The following LIN7A variants were observed in gnomAD, a reference collection of about 807,000 sequenced individuals.
LIN7A encodes lin-7 cell polarity scaffold A, also known as protein lin-7 homolog A.
Under a neutral mutation model 29.8 loss-of-function variants are expected in LIN7A, and 25 were observed. The observed-to-expected ratio is 0.84, with a 90% CI of 0.61 to 1.17. The LOEUF is 1.17. Ranked by LOEUF, LIN7A falls within the 50% of genes most tolerant of loss-of-function variation. The pLI, the probability that LIN7A is intolerant of heterozygous loss-of-function variation, is 0.00. For synonymous variants in LIN7A, 118 were observed against 107.5 expected (o/e 1.10, Z -0.60); for missense variants, 239 against 287.0 (o/e 0.83, Z 1.21).
intron 5 of LIN7A, among the ~76,000 whole-genome samples, chr12:80,808,310 G>A (rs544502972): frequency 2.6e-5 from 4 of 152,066 alleles, no homozygotes; most frequent in Non-Finnish European, 5.9e-5. Flanking sequence ...TTTTTACTCT[G>A]CAAAGTACTG....
At chr12:80,835,104 T>C (rs1006204046) in intron 4 of LIN7A, among the ~76,000 whole-genome samples, 1 of 152,208 alleles carries the variant, frequency 6.6e-6, no homozygotes, top group Non-Finnish European at 1.5e-5. Context: ...TCTATTCATT[T>C]GAGATAAACC....
At chr12:80,886,920 A>G (rs76538616) in intron 2 of LIN7A, among the ~76,000 whole-genome samples, 2,452 of 152,176 alleles carry the variant, frequency 0.016, 68 homozygotes, top group African/African-American at 0.056. Context: ...GATATCCATA[A>G]CACATTTACA....
chr12:80,901,928 G>T (rs1408067612), intron 1 of LIN7A, among the ~76,000 whole-genome samples: 1 of 152,072 alleles, frequency 6.6e-6, no homozygotes, highest in Non-Finnish European at 1.5e-5. Flanking sequence ...GCAAAGTAAA[G>T]CTTGATGTTT....
chr12:80,913,095 G>A (rs1324515117), intron 1 of LIN7A, among the ~76,000 whole-genome samples: 1 of 152,134 alleles, frequency 6.6e-6, no homozygotes, highest in African/African-American at 2.4e-5. Context: ...GGGGAAAGCT[G>A]GCTGACTTAA....
intron 1 of LIN7A, among the ~76,000 whole-genome samples, chr12:80,894,690 C>G (rs1459105105): frequency 2.6e-5 from 4 of 152,126 alleles, no homozygotes; most frequent in Non-Finnish European, 4.4e-5. Context: ...GTACTCATCT[C>G]AGATGATTCT....
intron 2 of LIN7A, among the ~76,000 whole-genome samples, chr12:80,879,462 C>G (rs1874904923): frequency 6.6e-6 from 1 of 151,866 alleles, no homozygotes; most frequent in South Asian, 2.1e-4. Context: ...TTGATGACCT[C>G]TTTCTAAATA....
intron 4 of LIN7A, among the ~76,000 whole-genome samples, chr12:80,838,835 A>T (rs1343920368): frequency 6.6e-6 from 1 of 152,202 alleles, no homozygotes; most frequent in African/African-American, 2.4e-5. Flanking sequence ...TCATGCAAGC[A>T]TCTGCTCCCC....
At chr12:80,817,194 G>A (rs1871576711) in intron 4 of LIN7A, among the ~76,000 whole-genome samples, 1 of 152,166 alleles carries the variant, frequency 6.6e-6, no homozygotes, top group South Asian at 2.1e-4. Flanking sequence ...TCAACTTCCT[G>A]GTTGATTAAG....
At chr12:80,881,559 TAC>T (rs1875036192) in intron 2 of LIN7A, among the ~76,000 whole-genome samples, 1 of 151,896 alleles carries the variant, frequency 6.6e-6, no homozygotes, top group Non-Finnish European at 1.5e-5. Context: ...AAACATTAAA[TAC>T]ATTAAAAAAA....
chr12:80,837,167 G>C (rs981480429), intron 4 of LIN7A, among the ~76,000 whole-genome samples: 1 of 152,024 alleles, frequency 6.6e-6, no homozygotes, highest in Admixed American at 6.5e-5. Context: ...TGGACAACTG[G>C]TTCCATTCCA....
intron 4 of LIN7A, among the ~76,000 whole-genome samples, chr12:80,817,130 T>A (rs1871573842): frequency 6.6e-6 from 1 of 152,220 alleles, no homozygotes; most frequent in East Asian, 1.9e-4. Context: ...TTGTATACAC[T>A]GTGAGATATT....
intron 5 of LIN7A, among the ~76,000 whole-genome samples, chr12:80,801,973 T>C (rs1304046714): frequency 1.3e-5 from 2 of 151,486 alleles, no homozygotes; most frequent in Non-Finnish European, 2.9e-5. Context: ...CTCGGCTCAC[T>C]GCAACCTCCA....
intron 4 of LIN7A, among the ~76,000 whole-genome samples, chr12:80,831,970 AT>A (rs560799182): frequency 6.6e-6 from 1 of 152,238 alleles, no homozygotes; most frequent in Non-Finnish European, 1.5e-5. Context: ...GGCCAGTCTC[AT>A]TTCAGATCCA....
intron 4 of LIN7A, among the ~76,000 whole-genome samples, chr12:80,838,803 T>C (rs1260945876): frequency 6.6e-6 from 1 of 152,152 alleles, no homozygotes; most frequent in Non-Finnish European, 1.5e-5. Context: ...AACTGAAGAC[T>C]GAGCTTCTGT....
intron 4 of LIN7A, among the ~76,000 whole-genome samples, chr12:80,831,203 G>A (rs1453863470): frequency 6.6e-6 from 1 of 152,076 alleles, no homozygotes; most frequent in Non-Finnish European, 1.5e-5. Flanking sequence ...ATGTTATATA[G>A]CCTTGTTTGG....
intron 5 of LIN7A, among the ~76,000 whole-genome samples, chr12:80,807,077 T>TTTTTTTTTTTTTTTTTTTTTTTTTTTTTG (rs1871053026): frequency 2.6e-5 from 3 of 115,538 alleles, no homozygotes; most frequent in Non-Finnish European, 3.6e-5. Context: ...TTTTTTTTTT[T>TTTTTTTTTTTTTTTTTTTTTTTTTTTTTG]TTTTTTTTTT....
At chr12:80,879,343 A>G (rs1219978061) in intron 2 of LIN7A, among the ~76,000 whole-genome samples, 1 of 152,028 alleles carries the variant, frequency 6.6e-6, no homozygotes, top group East Asian at 1.9e-4. Flanking sequence ...CCCAAGAAAA[A>G]TCCACTCATG....
intron 2 of LIN7A, among the ~76,000 whole-genome samples, chr12:80,849,999 T>A (rs1472308715): frequency 1.3e-5 from 2 of 152,168 alleles, no homozygotes; most frequent in Non-Finnish European, 2.9e-5. Context: ...GACAATCATT[T>A]AGCAAATAAT....
intron 4 of LIN7A, among the ~76,000 whole-genome samples, chr12:80,831,114 G>T (rs1481654137): frequency 6.6e-6 from 1 of 152,022 alleles, no homozygotes; most frequent in Non-Finnish European, 1.5e-5. Flanking sequence ...AATCCTGACT[G>T]CTTCAAATTG....
Sources: allele counts gnomAD v4.1 joint callset (sites outside exome capture counted in the v4.1 genomes callset), GRCh38; gene constraint gnomAD v4.1.1; transcripts MANE v1.5; gene names NCBI Gene and HGNC (gene_info 2026-07-23, HGNC 2026-07-21).